The following ARID5B variants were observed in gnomAD, a reference collection of about 807,000 sequenced individuals.
ARID5B encodes AT-rich interaction domain 5B.
ARID5B carries 13 observed loss-of-function variants against 97.2 expected under a neutral mutation model. The ratio of observed to expected loss-of-function variants is 0.13; its 90% confidence interval spans 0.09 to 0.21. The LOEUF is 0.21. Ranked by LOEUF, ARID5B falls within the 10% of genes least tolerant of loss-of-function variation. The probability of loss-of-function intolerance (pLI) is 1.00; values close to 1 mark genes in which losing one functional copy is unlikely to be tolerated. For synonymous variants in ARID5B, 556 were observed against 570.3 expected (o/e 0.97, Z 0.36); for missense variants, 1,210 against 1,465.3 (o/e 0.83, Z 2.84).
chr10:62,074,450 GA>G (rs1840102324), intron 8 of ARID5B, among the ~76,000 whole-genome samples: 1 of 152,198 alleles, frequency 6.6e-6, no homozygotes, highest in Admixed American at 6.5e-5. Flanking sequence ...TACTTGGGCA[GA>G]TACTGGGTGA....
intron 3 of ARID5B, among the ~76,000 whole-genome samples, chr10:61,948,487 C>T (rs1331769365): frequency 1.4e-5 from 2 of 147,366 alleles, no homozygotes. Flanking sequence ...CTGCCTCAGC[C>T]TCCCGAGTAG....
At chr10:61,928,335 CTG>C (rs1564604158) in intron 2 of ARID5B, among the ~76,000 whole-genome samples, 1 of 152,154 alleles carries the variant, frequency 6.6e-6, no homozygotes, top group Non-Finnish European at 1.5e-5. Context: ...GGTCTCAACT[CTG>C]TCACCTAGGC....
At chr10:61,975,979 A>G (rs1462701440) in intron 3 of ARID5B, among the ~76,000 whole-genome samples, 2 of 152,230 alleles carry the variant, frequency 1.3e-5, no homozygotes, top group Non-Finnish European at 2.9e-5. Context: ...TTAGAGAGGA[A>G]GAATCTCAGT....
intron 3 of ARID5B, among the ~76,000 whole-genome samples, chr10:61,943,666 T>A (rs140632312): frequency 2.4e-4 from 37 of 152,330 alleles, no homozygotes; most frequent in African/African-American, 8.9e-4. Context: ...TAAAGCACTT[T>A]TCTTGCTTAG....
At chr10:61,909,498 T>C (rs1843766726) in intron 2 of ARID5B, among the ~76,000 whole-genome samples, 1 of 151,776 alleles carries the variant, frequency 6.6e-6, no homozygotes, top group African/African-American at 2.4e-5. Context: ...GCTAATTTTT[T>C]GTATTTTTAG....
chr10:62,003,932 C>T (rs1460528610), intron 4 of ARID5B, among the ~76,000 whole-genome samples: 1 of 152,040 alleles, frequency 6.6e-6, no homozygotes, highest in Non-Finnish European at 1.5e-5. Context: ...GCAATGAGTC[C>T]CTGTAAATAA....
intron 2 of ARID5B, among the ~76,000 whole-genome samples, chr10:61,919,157 G>A (rs995131103): frequency 4.7e-5 from 7 of 149,472 alleles, no homozygotes; most frequent in Admixed American, 6.8e-5. Flanking sequence ...CTTCCCAGAT[G>A]TTTGATCTAA....
chr10:61,937,550 G>T (rs1844327205), intron 2 of ARID5B, among the ~76,000 whole-genome samples: 1 of 152,170 alleles, frequency 6.6e-6, no homozygotes, highest in Admixed American at 6.5e-5. Context: ...TAAGAGCTGG[G>T]TTAATTGAAA....
rs1223600151 is a variant in ARID5B, at chr10:62,091,478, T to A, written c.2015T>A (p.Leu672His). The A allele has an allele frequency of 1.2e-6, 2 of 1,612,532 alleles. No individual in the cohort carries two copies. Among genetic ancestry groups the A allele is most frequent in the African/African-American group, 2.7e-5 (2 of 74,850 alleles). ...GGGCCCATGAACGAGAACCATGGACTTAATTACACGCCCCTGCTCTACTCT... is the reference window on the plus strand; with the variant it reads ...GGGCCCATGAACGAGAACCATGGACATAATTACACGCCCCTGCTCTACTCT... ...LTGPMNENHG[L>H]NYTPLLYSRG... The change falls in exon 10 of 10, where the codon CTT becomes CAT. Residue 672 changes from leucine to histidine, a missense_variant. Transcript: ENST00000279873.
At chr10:62,047,704 C>T (rs1215506679) in intron 4 of ARID5B, among the ~76,000 whole-genome samples, 1 of 152,076 alleles carries the variant, frequency 6.6e-6, no homozygotes, top group African/African-American at 2.4e-5. Flanking sequence ...GTCCGCAGAC[C>T]CATCCCACTC....
chr10:62,035,151 A>AGGGAAGGTGCTGGAGAT, intron 4 of ARID5B, among the ~76,000 whole-genome samples: 1 of 152,340 alleles, frequency 6.6e-6, no homozygotes, highest in Non-Finnish European at 1.5e-5. Context: ...ATGGTGACCT[A>AGGGAAGGTGCTGGAGAT]GGGAAGGTGC....
At chr10:61,966,637 A>G (rs969431902) in intron 3 of ARID5B, among the ~76,000 whole-genome samples, 4 of 152,116 alleles carry the variant, frequency 2.6e-5, no homozygotes, top group Admixed American at 6.6e-5. Context: ...AAGGCACCCC[A>G]TAAGATGAGG....
At chr10:61,944,118 G>A (rs1421788625) in intron 3 of ARID5B, among the ~76,000 whole-genome samples, 1 of 151,844 alleles carries the variant, frequency 6.6e-6, no homozygotes, top group East Asian at 1.9e-4. Flanking sequence ...TGAAACCAAT[G>A]CAAATTATGA....
At chr10:61,954,219 T>C (rs1231355337) in intron 3 of ARID5B, among the ~76,000 whole-genome samples, 3 of 151,566 alleles carry the variant, frequency 2.0e-5, no homozygotes, top group African/African-American at 7.3e-5. Context: ...TAGCCAGGCA[T>C]GGTGGCGCGT....
chr10:61,950,330 T>A (rs1838306253), intron 3 of ARID5B, among the ~76,000 whole-genome samples: 1 of 152,056 alleles, frequency 6.6e-6, no homozygotes, highest in Non-Finnish European at 1.5e-5. Context: ...CTTTTAAATA[T>A]CTTTTGAGAA....
At chr10:61,933,159 C>T (rs796835755) in intron 2 of ARID5B, among the ~76,000 whole-genome samples, 17 of 152,358 alleles carry the variant, frequency 1.1e-4, no homozygotes, top group African/African-American at 4.1e-4. Context: ...CCTTTCTTTA[C>T]TCATTCATAA....
intron 4 of ARID5B, among the ~76,000 whole-genome samples, chr10:62,026,964 T>C (rs759667393): frequency 7.9e-5 from 12 of 152,076 alleles, no homozygotes; most frequent in African/African-American, 1.4e-4. Flanking sequence ...TAAAAGCTAG[T>C]GGGGAATGAA....
chr10:61,983,937 G>A (rs1838813231), intron 3 of ARID5B, among the ~76,000 whole-genome samples: 1 of 19,976 alleles, frequency 5.0e-5, no homozygotes, highest in Admixed American at 4.4e-4. Context: ...CCGGACTGCG[G>A]ACTGCAGTGG....
chr10:61,938,226 C>T (rs1401538308), intron 2 of ARID5B, among the ~76,000 whole-genome samples: 1 of 152,092 alleles, frequency 6.6e-6, no homozygotes, highest in East Asian at 1.9e-4. Context: ...GTGTTGTAAG[C>T]CATCCAGAGA....
Sources: allele counts gnomAD v4.1 joint callset (sites outside exome capture counted in the v4.1 genomes callset), GRCh38; gene constraint gnomAD v4.1.1; transcripts MANE v1.5; gene names NCBI Gene and HGNC (gene_info 2026-07-23, HGNC 2026-07-21).